Variants in IQCK observed in about 807,000 individuals in gnomAD.
IQCK encodes IQ domain-containing protein K.
Under a neutral mutation model 28.1 loss-of-function variants are expected in IQCK, and 29 were observed. That is an observed-to-expected ratio of 1.03 (90% CI 0.77 to 1.41). The LOEUF is 1.41. Among genes scored for constraint, IQCK ranks in the 40% most tolerant of loss-of-function variants. The pLI, the probability that IQCK is intolerant of heterozygous loss-of-function variation, is 0.00. For synonymous variants in IQCK, 113 were observed against 115.1 expected, an observed-to-expected ratio of 0.98 and a Z score of 0.12; for missense variants, 359 against 314.7, an observed-to-expected ratio of 1.14 and a Z score of -1.07.
intron 9 of IQCK, among the ~76,000 whole-genome samples, chr16:19,832,234 A>G (rs1215434471): frequency 4.0e-5 from 6 of 151,892 alleles, no homozygotes; most frequent in East Asian, 1.9e-4. Flanking sequence ...ATGTGTGTGT[A>G]TATATATATG....
intron 4 of IQCK, among the ~76,000 whole-genome samples, chr16:19,752,899 ATC>A (rs991804857): frequency 2.0e-5 from 3 of 152,036 alleles, no homozygotes; most frequent in African/African-American, 7.2e-5. Context: ...CCACAGGGAG[ATC>A]TTCCAGCACA....
intron 6 of IQCK, among the ~76,000 whole-genome samples, chr16:19,774,247 C>T (rs1406932104): frequency 6.6e-6 from 1 of 152,098 alleles, no homozygotes; most frequent in Non-Finnish European, 1.5e-5. Context: ...CCTTCCAAGC[C>T]TCAGTTTTTC....
intron 4 of IQCK, among the ~76,000 whole-genome samples, chr16:19,757,660 A>G (rs1167397526): frequency 1.3e-5 from 2 of 151,992 alleles, no homozygotes; most frequent in Non-Finnish European, 2.9e-5. Flanking sequence ...ACAGAGTGAG[A>G]CTCTGTCTCA....
chr16:19,806,983 A>T (rs941491452), intron 7 of IQCK, among the ~76,000 whole-genome samples: 1 of 152,182 alleles, frequency 6.6e-6, no homozygotes, highest in South Asian at 2.1e-4. Context: ...CCCACATTGT[A>T]TCAGGGTTAA....
chr16:19,752,931 A>G lies in IQCK; in HGVS notation c.475-10917A>G, dbSNP rs74953544. Among the ~76,000 whole-genome samples, 156 of 152,280 alleles carry G rather than the reference A, an allele frequency of 1.0e-3. 3 individuals are homozygous for G. In the East Asian group the frequency reaches 0.03, roughly 29 times the overall value. On this transcript the variant is annotated intron_variant, in intron 4 of 7. Coordinates refer to ENST00000564186, the Ensembl canonical transcript of IQCK. ...AGCACAGCTTGATCTGGTGACCCAG[A>G]TGATGTCTCCATGACTGTTCTCTCT...
intron 9 of IQCK, among the ~76,000 whole-genome samples, chr16:19,853,176 A>G (rs1857091587): frequency 1.3e-5 from 2 of 152,168 alleles, no homozygotes; most frequent in Admixed American, 1.3e-4. Flanking sequence ...GGTAACGCCA[A>G]GCAGTTTTCC....
chr16:19,757,402 G>A (rs1439327367), intron 4 of IQCK, among the ~76,000 whole-genome samples: 1 of 152,232 alleles, frequency 6.6e-6, no homozygotes, highest in African/African-American at 2.4e-5. Context: ...GCTGGGCGCT[G>A]TGGCTCATGC....
At position 19,780,694 on chromosome 16, in the gene IQCK, G is replaced by A. The variant is rs142799783; in HGVS notation, c.606-8144G>A. On this transcript the variant is annotated intron_variant, in intron 6 of 7. Coordinates refer to ENST00000564186, the Ensembl canonical transcript of IQCK. ...CCTCAGTAGTTTCCATAGTATCTGTGAGTTTGTCCCTGACAGCAATCACAG... is the reference window on the plus strand; with the variant it reads ...CCTCAGTAGTTTCCATAGTATCTGTAAGTTTGTCCCTGACAGCAATCACAG... Among the ~76,000 whole-genome samples the A allele has an allele frequency of 7.6e-3, 1,152 of 152,252 alleles. 9 individuals are homozygous for A. Among genetic ancestry groups the A allele is most frequent in the African/African-American group, 0.026 (1,083 of 41,546 alleles).
chr16:19,723,218 CAT>C (rs1470027774), intron 1 of IQCK, among the ~76,000 whole-genome samples: 3 of 151,970 alleles, frequency 2.0e-5, no homozygotes, highest in African/African-American at 7.3e-5. Context: ...CCTTCCAGAC[CAT>C]ATCCCACTGG....
chr16:19,814,353 C>T (rs1254354663), intron 7 of IQCK, among the ~76,000 whole-genome samples: 1 of 151,762 alleles, frequency 6.6e-6, no homozygotes, highest in African/African-American at 2.4e-5. Context: ...TGCAGTGAGC[C>T]GAGATCGCAC....
intron 6 of IQCK, among the ~76,000 whole-genome samples, chr16:19,765,685 T>A (rs191178301): frequency 4.6e-5 from 7 of 152,324 alleles, no homozygotes; most frequent in African/African-American, 9.6e-5. Context: ...AGTTTTTTTT[T>A]AAATCTAAGA....
intron 7 of IQCK, among the ~76,000 whole-genome samples, chr16:19,820,683 C>G (rs929046350): frequency 4.7e-5 from 7 of 149,974 alleles, no homozygotes; most frequent in Non-Finnish European, 1.0e-4. Context: ...TTGATTTTAT[C>G]AAAATTTAAA....
intron 6 of IQCK, among the ~76,000 whole-genome samples, chr16:19,767,241 C>T (rs551343446): frequency 3.9e-5 from 6 of 152,236 alleles, no homozygotes; most frequent in Non-Finnish European, 7.4e-5. Flanking sequence ...CATCTATAGG[C>T]GGTTTGTGTT....
chr16:19,826,682 G>T (rs2056154141), intron 7 of IQCK, among the ~76,000 whole-genome samples: 1 of 152,020 alleles, frequency 6.6e-6, no homozygotes, highest in Non-Finnish European at 1.5e-5. Flanking sequence ...CTGGCCAAGT[G>T]AAATATATTC....
At chr16:19,828,310 T>C (rs568756424), downstream of IQCK, among the ~76,000 whole-genome samples, 26 of 145,682 alleles carry the variant, frequency 1.8e-4, 1 homozygote, top group African/African-American at 6.3e-4. Context: ...CTCAGCTCAC[T>C]GCAACCTCCG....
intron 4 of IQCK, among the ~76,000 whole-genome samples, chr16:19,743,525 TGTCA>T (rs2054866149): frequency 6.6e-6 from 1 of 152,226 alleles, no homozygotes; most frequent in African/African-American, 2.4e-5. Flanking sequence ...TTGTGCCAGA[TGTCA>T]TTCTAAGCAC....
At chr16:19,733,631 T>A in intron 2 of IQCK, 67 bp from the exon 3 acceptor site, 2 of 1,574,520 alleles carry the variant, frequency 1.3e-6, no homozygotes, top group Admixed American at 3.4e-5. Context: ...TTCATAAGGT[T>A]ATACCAGAAA....
At chr16:19,810,397 T>TGAGGCAGGAGAATGGTGTC (rs1030825829) in intron 7 of IQCK, among the ~76,000 whole-genome samples, 2 of 151,104 alleles carry the variant, frequency 1.3e-5, no homozygotes, top group Non-Finnish European at 2.9e-5. Context: ...CTCAGGAGGC[T>TGAGGCAGGAGAATGGTGTC]GAGGCAGGAG....
chr16:19,747,184 T>C (rs2054922926), intron 4 of IQCK, among the ~76,000 whole-genome samples: 1 of 152,192 alleles, frequency 6.6e-6, no homozygotes, highest in Non-Finnish European at 1.5e-5. Flanking sequence ...TAGATTTAGC[T>C]GGGAGTTTCT....
Sources: gnomAD v4.1 joint callset for allele counts (sites outside exome capture counted in the v4.1 genomes callset) on GRCh38, gnomAD v4.1.1 for gene constraint, MANE v1.5 for transcripts, NCBI Gene and HGNC (gene_info 2026-07-23, HGNC 2026-07-21) for gene names.